Variants in PSMD1 observed in about 807,000 individuals in gnomAD.
The protein encoded by PSMD1 is 26S proteasome non-ATPase regulatory subunit 1.
A neutral mutation model predicts 119.0 loss-of-function variants in PSMD1; 18 were observed. The observed-to-expected ratio is 0.15, with a 90% confidence interval of 0.10 to 0.22. The LOEUF is 0.22. Among genes scored for constraint, PSMD1 ranks in the 10% least tolerant of loss-of-function variants. The probability of loss-of-function intolerance (pLI) is 1.00; values close to 1 mark genes in which losing one functional copy is unlikely to be tolerated. For synonymous variants in PSMD1, 374 were observed against 396.6 expected (o/e 0.94, Z 0.68); for missense variants, 702 against 1,158.5 (o/e 0.61, Z 5.72).
At position 231,082,944 on chromosome 2, in the gene PSMD1, A is replaced by G. The variant is rs779475139; in HGVS notation, c.1475A>G (p.Asp492Gly). ...GCAGCCATGGGAACTGCACGTCAAG[A>G]TGTTTATGATTTGCTAAAAACAAAC... ...GLAAMGTARQ[D>G]VYDLLKTNLY... is the part of the protein sequence containing the mutation. The change falls in exon 13 of 25, where the codon GAT becomes GGT. Residue 492 changes from aspartate to glycine, a missense_variant. Coordinates refer to ENST00000308696, the MANE Select transcript of PSMD1 (RefSeq NM_002807.4). The G allele has an allele frequency of 1.2e-6, 2 of 1,614,142 alleles. No individual in the cohort carries two copies. Among genetic ancestry groups the G allele is most frequent in the Non-Finnish European group, 1.7e-6 (2 of 1,179,982 alleles).
chr2:231,141,985 C>T (rs1428397955), intron 17 of PSMD1, among the ~76,000 whole-genome samples: 2 of 152,140 alleles, frequency 1.3e-5, no homozygotes, highest in East Asian at 1.9e-4. Context: ...TGGGTTCAAA[C>T]GATTCTCCTG....
chr2:231,093,600 A>T (rs1294556642), intron 16 of PSMD1, among the ~76,000 whole-genome samples: 1 of 152,144 alleles, frequency 6.6e-6, no homozygotes, highest in Non-Finnish European at 1.5e-5. Flanking sequence ...TTTGGACCAC[A>T]CCATACATTA....
chr2:231,130,874 G>A (rs1198067651), intron 16 of PSMD1, among the ~76,000 whole-genome samples: 1 of 152,174 alleles, frequency 6.6e-6, no homozygotes, highest in African/African-American at 2.4e-5. Flanking sequence ...TAAGAAACTG[G>A]AGGAATTATT....
intron 17 of PSMD1, among the ~76,000 whole-genome samples, chr2:231,143,528 A>G (rs1202953175): frequency 6.6e-6 from 1 of 152,056 alleles, no homozygotes; most frequent in Admixed American, 6.6e-5. Context: ...GTGCCCGGCC[A>G]GGGACATTGT....
intron 16 of PSMD1, among the ~76,000 whole-genome samples, chr2:231,111,460 T>G (rs571029120): frequency 6.6e-6 from 1 of 152,352 alleles, no homozygotes; most frequent in Non-Finnish European, 1.5e-5. Context: ...AGCTTGTTGG[T>G]CAATAACTGT....
intron 2 of PSMD1, among the ~76,000 whole-genome samples, chr2:231,061,525 C>CT (rs1180982457): frequency 5.3e-5 from 8 of 152,128 alleles, no homozygotes; most frequent in Non-Finnish European, 2.9e-5. Flanking sequence ...CGTTACGACA[C>CT]TTGAATAGCC....
chr2:231,079,343 C>T (rs1195981066), intron 10 of PSMD1, among the ~76,000 whole-genome samples, 193 bp from the exon 11 acceptor site: 1 of 151,916 alleles, frequency 6.6e-6, no homozygotes, highest in Admixed American at 6.6e-5. Context: ...AATTACGTAT[C>T]GTGCATTTTA....
intron 16 of PSMD1, among the ~76,000 whole-genome samples, chr2:231,113,360 G>A (rs1695223285): frequency 6.6e-6 from 1 of 152,108 alleles, no homozygotes; most frequent in South Asian, 2.1e-4. Flanking sequence ...TGCATTTCTT[G>A]TTATTTTAAT....
At chr2:231,138,337 A>T (rs550659397) in intron 16 of PSMD1, among the ~76,000 whole-genome samples, 9 of 152,346 alleles carry the variant, frequency 5.9e-5, no homozygotes, top group African/African-American at 2.2e-4. Flanking sequence ...AACTTAGGAA[A>T]TGTCCAGGAA....
chr2:231,147,251 C>A (rs1038328884), intron 18 of PSMD1, among the ~76,000 whole-genome samples: 5 of 152,256 alleles, frequency 3.3e-5, no homozygotes, highest in East Asian at 1.9e-4. Context: ...CCAGTACTCC[C>A]GGAGGCTGAG....
At chr2:231,058,903 C>T (rs969831027) in intron 1 of PSMD1, among the ~76,000 whole-genome samples, 46 of 152,190 alleles carry the variant, frequency 3.0e-4, no homozygotes, top group African/African-American at 1.0e-3. Context: ...CTTACTCTCC[C>T]TCCACCACAG....
Position 231,075,581 on chromosome 2 carries a change from C to CTTT in PSMD1, c.942+19_942+21dup. The CTTT allele has an allele frequency of 8.1e-7, 1 of 1,229,890 alleles. No homozygotes were observed. Among genetic ancestry groups the CTTT allele is most frequent in the Non-Finnish European group, 1.1e-6 (1 of 899,364 alleles). 76.2% of individuals were successfully genotyped at this position (1,229,890 alleles called of 1,614,324 possible). The stretch of plus-strand genomic sequence containing the variant: ...AAAGACACCAGAAGCCGTGAGTGTG[C>CTTT]TTTTTTTTTTTCCTTTGAGACAGGG... On this transcript the variant is annotated intron_variant, in intron 8 of 24. Coordinates refer to ENST00000308696, the MANE Select transcript of PSMD1 (RefSeq NM_002807.4).
Position 231,171,872 on chromosome 2 carries a change from TA to T in PSMD1, c.*10-655del, listed in dbSNP as rs1304264366. Among the ~76,000 whole-genome samples, 3 of 151,848 alleles carry T rather than the reference TA, an allele frequency of 2.0e-5. No homozygotes were observed. In the East Asian group the frequency reaches 5.8e-4, roughly 29 times the overall value. On this transcript the variant is annotated intron_variant, in intron 24 of 24. Transcript: ENST00000308696. ...CGCCCGGCCAATTCATTCTACTCTTTAAAAAAAATAAGGACAGTATCATTTG... is the reference window on the plus strand; with the variant it reads ...CGCCCGGCCAATTCATTCTACTCTTTAAAAAAATAAGGACAGTATCATTTG...
chr2:231,124,043 G>GAT (rs1004763249), intron 16 of PSMD1: 52 of 359,490 alleles, frequency 1.4e-4, no homozygotes, highest in South Asian at 4.7e-4. Context: ...AAAAAAATAG[G>GAT]ATATATATAT....
chr2:231,122,675 A>G (rs995676233), intron 16 of PSMD1, among the ~76,000 whole-genome samples: 18 of 152,120 alleles, frequency 1.2e-4, no homozygotes, highest in African/African-American at 4.3e-4. Context: ...TCTTTTTTTT[A>G]TTATAGCAAA....
intron 23 of PSMD1, among the ~76,000 whole-genome samples, chr2:231,169,801 A>G (rs149928674): frequency 6.6e-6 from 1 of 152,310 alleles, no homozygotes; most frequent in African/African-American, 2.4e-5. Context: ...AGCACACTAG[A>G]GAGGGGTGAA....
chr2:231,160,583 C>G (rs1696614183), intron 19 of PSMD1, among the ~76,000 whole-genome samples: 1 of 152,102 alleles, frequency 6.6e-6, no homozygotes, highest in African/African-American at 2.4e-5. Context: ...AAGAGTAAAA[C>G]TAAGCAAACT....
intron 16 of PSMD1, chr2:231,113,839 G>A (rs1281784591): frequency 1.2e-6 from 2 of 1,614,070 alleles, no homozygotes; most frequent in Non-Finnish European, 1.7e-6. Context: ...CACTGAAATG[G>A]CACAGAGATG....
intron 18 of PSMD1, among the ~76,000 whole-genome samples, chr2:231,149,900 T>C (rs1407435173): frequency 6.6e-6 from 1 of 152,228 alleles, no homozygotes; most frequent in African/African-American, 2.4e-5. Flanking sequence ...GAAGTCATGA[T>C]AGCATCAACA....
Sources: allele counts gnomAD v4.1 joint callset (sites outside exome capture counted in the v4.1 genomes callset), GRCh38; gene constraint gnomAD v4.1.1; transcripts MANE v1.5; gene names NCBI Gene and HGNC (gene_info 2026-07-23, HGNC 2026-07-21).